The following FBXW10 variants were observed in gnomAD, a reference collection of about 807,000 sequenced individuals.
FBXW10 encodes the protein F-box and WD repeat domain containing 10.
In FBXW10, 68 loss-of-function variants were observed where a neutral mutation model predicts 113.1. That is an observed-to-expected ratio of 0.60 (90% CI 0.49 to 0.74). The LOEUF is 0.74. Ranked by LOEUF, FBXW10 falls within the 30% of genes least tolerant of loss-of-function variation. FBXW10 has a pLI of 0.00. For missense variants in FBXW10, 753 were observed against 1,284.5 expected, an observed-to-expected ratio of 0.59 and a Z score of 6.32; for synonymous variants, 289 against 481.6, an observed-to-expected ratio of 0.60 and a Z score of 5.24.
rs551436544 is a variant in FBXW10 at position 18,770,832 on chromosome 17, T to C, written c.2006+747T>C. Among the ~76,000 whole-genome samples, 23 of 152,254 alleles carry C rather than the reference T, an allele frequency of 1.5e-4. No homozygotes were observed. The East Asian group carries it at 4.2e-3, about 28-fold the overall frequency. ...AGCAGGGGGTACAGTGGGGGAAAGC[T>C]GAGCTGGTGAGCTTACAAAACCAGT... On this transcript the variant is annotated intron_variant, in intron 11 of 13. Transcript: ENST00000395665.
rs1217165372 is a variant in FBXW10 at position 18,769,199 on chromosome 17, T to G, written c.1847+523T>G. ...ATCCACCCGCCTCAGCCTCCCAAAG[T>G]GCTGGGATTACAGGCGTGAGCCACC... On this transcript the variant is annotated intron_variant, in intron 10 of 13. Transcript: ENST00000395665. Among the ~76,000 whole-genome samples, 14 of 152,202 alleles carry G rather than the reference T, an allele frequency of 9.2e-5. No homozygotes were observed. The East Asian group carries it at 2.3e-3, about 25-fold the overall frequency.
chr17:18,752,823 A>G (rs1278177957), intron 5 of FBXW10, among the ~76,000 whole-genome samples: 2 of 152,166 alleles, frequency 1.3e-5, no homozygotes, highest in South Asian at 2.1e-4. Context: ...AGGCTCAGAG[A>G]GGTCAAGCTC....
chr17:18,762,566 C>T (rs1424432956), intron 7 of FBXW10, among the ~76,000 whole-genome samples: 1 of 151,892 alleles, frequency 6.6e-6, no homozygotes, highest in Non-Finnish European at 1.5e-5. Flanking sequence ...TCATGATCTG[C>T]CCACCTCGGC....
chr17:18,772,425 A>C lies in FBXW10; in HGVS notation c.2020A>C (p.Thr674Pro). ...FIQGNRMVVNTESNVLMFQFE... is the reference protein window; with the variant it reads ...FIQGNRMVVNPESNVLMFQFE... Reference sequence around the variant, plus strand: ...TTTCGGTTCCAGGATGGTGGTCAACACAGAGAGCAATGTTCTCATGTTCCA... The same window carrying C: ...TTTCGGTTCCAGGATGGTGGTCAACCCAGAGAGCAATGTTCTCATGTTCCA... Residue 674 changes from threonine (T) to proline (P), a missense_variant, in exon 12 of 14, where the codon ACA (threonine) becomes CCA (proline). By Grantham distance (38) the Thr-to-Pro change is conservative. Coordinates refer to ENST00000395665, the MANE Select transcript of FBXW10 (RefSeq NM_001267585.2). 2 of 1,613,656 alleles carry C rather than the reference A, an allele frequency of 1.2e-6. No homozygotes were observed.
Position 18,750,921 on chromosome 17 carries a change from C to T in FBXW10, c.1000-10C>T, listed in dbSNP as rs780869672. The T allele has an allele frequency of 1.3e-5, 21 of 1,604,060 alleles. No homozygotes were observed. The highest frequency in any genetic ancestry group is 1.7e-5 in the Admixed American group (1 of 57,562). ...TTTATTTTTATTTTTTATTTTTTGT[C>T]TTTTTCCAGGGGTCCTACACAAGAG... is the stretch of plus-strand genomic sequence containing the variant. On this transcript the variant is annotated splice_polypyrimidine_tract_variant and intron_variant, in intron 4 of 13. Coordinates refer to ENST00000395665, the MANE Select transcript of FBXW10 (RefSeq NM_001267585.2).
chr17:18,754,284 C>A (rs1023660935), intron 5 of FBXW10, among the ~76,000 whole-genome samples: 68 of 152,132 alleles, frequency 4.5e-4, no homozygotes, highest in African/African-American at 1.5e-3. Flanking sequence ...CCAATGAATT[C>A]TCACCTGGGT....
At position 18,770,032 on chromosome 17, in the gene FBXW10, A is replaced by G. The variant is rs117585894; in HGVS notation, c.1953A>G (p.Leu651=). The G allele has an allele frequency of 1.7e-3, 2,693 of 1,614,240 alleles. 10 individuals are homozygous for G. The highest frequency in any genetic ancestry group is 0.015 in the Middle Eastern group (92 of 6,062). The change falls in exon 11 of 14, where the codon TTA becomes TTG. Residue 651 remains leucine (L), a synonymous_variant. Coordinates refer to ENST00000395665, the MANE Select transcript of FBXW10 (RefSeq NM_001267585.2). ...NFLNGNCMKV[L]KANGRGDPVL... ...TCAACGGGAACTGTATGAAGGTGTTAAAAGCCAATGGCAGAGGTGATCCTG... is the reference window on the plus strand; with the variant it reads ...TCAACGGGAACTGTATGAAGGTGTTGAAAGCCAATGGCAGAGGTGATCCTG...
rs71954242 is a variant in FBXW10 at position 18,776,021 on chromosome 17, G to GA, written c.2335+842dup. Among the ~76,000 whole-genome samples, 376 of 143,828 alleles carry GA rather than the reference G, an allele frequency of 2.6e-3. 5 individuals carry two copies. The East Asian group carries it at 0.033, about 13-fold the overall frequency. The allele number at this position is 143,828 out of a possible 152,430, so 94.4% of individuals were successfully genotyped here. ...GTGAGACCTTGCCTCTTAAAGAAAA[G>GA]AAAAAAAAAAAAAGTGGCCGGGCGC... On this transcript the variant is annotated intron_variant, in intron 13 of 13. Transcript: ENST00000395665.
At chr17:18,763,114 T>C (rs1447430718) in intron 7 of FBXW10, among the ~76,000 whole-genome samples, 1 of 151,264 alleles carries the variant, frequency 6.6e-6, no homozygotes, top group Non-Finnish European at 1.5e-5. Flanking sequence ...ATATTAATCG[T>C]TTTTATGTGC....
At chr17:18,777,344 A>G (rs1297057735) in intron 13 of FBXW10, among the ~76,000 whole-genome samples, 1 of 151,896 alleles carries the variant, frequency 6.6e-6, no homozygotes, top group Non-Finnish European at 1.5e-5. Context: ...GATTACAGGC[A>G]TGAGCCACCG....
At chr17:18,752,131 C>G (rs1441723240) in intron 5 of FBXW10, among the ~76,000 whole-genome samples, 5 of 152,244 alleles carry the variant, frequency 3.3e-5, no homozygotes, top group Middle Eastern at 3.4e-3. Flanking sequence ...GCATCTAGCT[C>G]ATATGACCTG....
intron 6 of FBXW10, among the ~76,000 whole-genome samples, chr17:18,756,432 CTTTAT>C (rs553942895): frequency 5.9e-5 from 9 of 152,068 alleles, no homozygotes; most frequent in Admixed American, 2.0e-4. Context: ...TTTGAAATAT[CTTTAT>C]TTTGTTTTAT....
At chr17:18,755,014 G>C (rs2035232332) in intron 5 of FBXW10, among the ~76,000 whole-genome samples, 1 of 152,192 alleles carries the variant, frequency 6.6e-6, no homozygotes, top group African/African-American at 2.4e-5. Context: ...TGTAATCCCA[G>C]CACTTTGGGA....
intron 10 of FBXW10, chr17:18,769,465 G>A (rs1315033654): frequency 1.3e-5 from 2 of 155,016 alleles, no homozygotes; most frequent in Admixed American, 1.3e-4. Context: ...GAAGCTCACG[G>A]TTTACTTCCA....
At chr17:18,749,507 A>G (rs1416394515) in intron 2 of FBXW10, among the ~76,000 whole-genome samples, 1 of 152,062 alleles carries the variant, frequency 6.6e-6, no homozygotes, top group Admixed American at 6.6e-5. Flanking sequence ...AGATCGCGCC[A>G]CTACACTCCA....
At chr17:18,761,955 T>C (rs2035393051) in intron 7 of FBXW10, among the ~76,000 whole-genome samples, 1 of 152,038 alleles carries the variant, frequency 6.6e-6, no homozygotes, top group East Asian at 1.9e-4. Context: ...TAATTGGTTT[T>C]TCTTTTTCTT....
chr17:18,769,136 G>T (rs904442024), intron 10 of FBXW10, among the ~76,000 whole-genome samples: 3 of 151,364 alleles, frequency 2.0e-5, no homozygotes, highest in Non-Finnish European at 2.9e-5. Context: ...GGGGTTTCAC[G>T]GTGTTAGCCA....
At chr17:18,751,215 A>C (rs1242920486) in intron 5 of FBXW10, among the ~76,000 whole-genome samples, 162 bp downstream of exon 5, 1 of 139,880 alleles carries the variant, frequency 7.1e-6, no homozygotes, top group South Asian at 2.2e-4. Context: ...GACTTACAAG[A>C]CACTTCCTCT....
rs375198642 is a variant in FBXW10 at position 18,751,098 on chromosome 17, T to C, written c.1122+45T>C. 5 of 1,612,044 alleles carry C rather than the reference T, an allele frequency of 3.1e-6. No individual in the cohort carries two copies. The African/African-American group carries it at 5.3e-5, about 17-fold the overall frequency. ...GGGGCAAGTAGCTGTGAGCGTCTCA[T>C]TCTAATTGTCATTGAAGGCTGAGGT... On this transcript the variant is annotated intron_variant, in intron 5 of 13. Transcript: ENST00000395665.
Sources: allele counts gnomAD v4.1 joint callset (sites outside exome capture counted in the v4.1 genomes callset), GRCh38; gene constraint gnomAD v4.1.1; transcripts MANE v1.5; gene names NCBI Gene and HGNC (gene_info 2026-07-23, HGNC 2026-07-21).